ZBBX: variants seen among roughly 807,000 people sequenced by gnomAD.
ZBBX encodes zinc finger B-box domain-containing protein 1.
Under a neutral mutation model 108.5 loss-of-function variants are expected in ZBBX, and 101 were observed. That is an observed-to-expected ratio of 0.93 (90% CI 0.79 to 1.10). ZBBX has a LOEUF of 1.10. ZBBX is among the 50% of genes least tolerant of loss of function. The pLI, the probability that ZBBX is intolerant of heterozygous loss-of-function variation, is 0.00. For synonymous variants in ZBBX, 356 were observed against 323.4 expected, an observed-to-expected ratio of 1.10 and a Z score of -1.08; for missense variants, 1,009 against 941.4, an observed-to-expected ratio of 1.07 and a Z score of -0.94.
At chr3:167,206,723 T>A in the ZBBX span, among the ~76,000 whole-genome samples, 7 of 152,110 alleles carry the variant, frequency 4.6e-5, no homozygotes, top group Non-Finnish European at 8.8e-5. Flanking sequence ...GGCATCACAT[T>A]TTCTGATTTC....
the ZBBX span, among the ~76,000 whole-genome samples, chr3:167,204,228 A>T: frequency 2.3e-5 from 3 of 130,906 alleles, no homozygotes; most frequent in Non-Finnish European, 3.2e-5. Context: ...TTTCATTTTA[A>T]ATTTCTTTTC....
chr3:167,298,433 C>CAAAACAGACTTTTTG lies in ZBBX; in HGVS notation c.1750_1751insCAAAAAGTCTGTTTT (p.Ser584delinsThrLysSerLeuPheCys). ...TTGATATTGTTTTGTTATAGGCTTACTTCTGCAGGCTATTTCTTGTAACAA... is the reference window on the plus strand; with the variant it reads ...TTGATATTGTTTTGTTATAGGCTTACAAAACAGACTTTTTGTTCTGCAGGCTATTTCTTGTAACAA... On this transcript the variant is annotated protein_altering_variant, in exon 18 of 22. Transcript: ENST00000675490. The CAAAACAGACTTTTTG allele has an allele frequency of 6.6e-7, 1 of 1,512,826 alleles. No homozygotes were observed. Among genetic ancestry groups the CAAAACAGACTTTTTG allele is most frequent in the Non-Finnish European group, 8.9e-7 (1 of 1,122,366 alleles). 93.7% of individuals were successfully genotyped at this position (1,512,826 alleles called of 1,614,324 possible).
the ZBBX span, among the ~76,000 whole-genome samples, chr3:167,192,089 G>A: frequency 6.6e-6 from 1 of 151,240 alleles, no homozygotes; most frequent in Non-Finnish European, 1.5e-5. Flanking sequence ...AGGTATTATT[G>A]TTTTTGATAG....
chr3:167,181,406 T>C, the ZBBX span, among the ~76,000 whole-genome samples: 2 of 152,166 alleles, frequency 1.3e-5, no homozygotes, highest in African/African-American at 4.8e-5. Flanking sequence ...ATATAACTAC[T>C]TTAATATACT....
At chr3:167,371,273 G>GTCTGAGAAGTCCCCAAAATCATGTGGTC (rs1229808184) in intron 4 of ZBBX, among the ~76,000 whole-genome samples, 1 of 152,064 alleles carries the variant, frequency 6.6e-6, no homozygotes, top group African/African-American at 2.4e-5. Flanking sequence ...AATTGGATAT[G>GTCTGAGAAGTCCCCAAAATCATGTGGTC]TCTGAGAAGT....
chr3:167,231,498 T>C, the ZBBX span, among the ~76,000 whole-genome samples: 2 of 151,674 alleles, frequency 1.3e-5, no homozygotes, highest in African/African-American at 4.8e-5. Flanking sequence ...ATCATTGCAA[T>C]CAAACAGTGG....
intron 16 of ZBBX, among the ~76,000 whole-genome samples, chr3:167,306,242 G>T (rs1309288682): frequency 6.6e-6 from 1 of 152,058 alleles, no homozygotes; most frequent in East Asian, 1.9e-4. Context: ...TCAGCCTGTG[G>T]TTCAATTCTC....
intron 20 of ZBBX, among the ~76,000 whole-genome samples, chr3:167,269,456 G>A (rs570751511): frequency 6.6e-6 from 1 of 152,242 alleles, no homozygotes; most frequent in East Asian, 1.9e-4. Context: ...TAGTCTAAAA[G>A]GATTCCTTGC....
intron 1 of ZBBX, among the ~76,000 whole-genome samples, chr3:167,388,063 G>A (rs1747971631): frequency 6.6e-6 from 1 of 151,900 alleles, no homozygotes; most frequent in African/African-American, 2.4e-5. Flanking sequence ...ACCGGTTTTA[G>A]TTTATTTCAT....
At chr3:167,337,392 G>A (rs1007640756) in intron 9 of ZBBX, among the ~76,000 whole-genome samples, 1 of 152,052 alleles carries the variant, frequency 6.6e-6, no homozygotes, top group Non-Finnish European at 1.5e-5. Flanking sequence ...GGTGTTGCAT[G>A]CCTGTAGTCT....
the ZBBX span, among the ~76,000 whole-genome samples, chr3:167,196,610 T>C: frequency 6.6e-6 from 1 of 152,190 alleles, no homozygotes; most frequent in Non-Finnish European, 1.5e-5. Flanking sequence ...TGTTAATAAT[T>C]ACTAAGGTAG....
At chr3:167,280,179 C>T (rs576610939) in intron 20 of ZBBX, among the ~76,000 whole-genome samples, 1 of 151,936 alleles carries the variant, frequency 6.6e-6, no homozygotes, top group Non-Finnish European at 1.5e-5. Flanking sequence ...ATTGAGGACA[C>T]AGGCATGGGC....
At chr3:167,365,640 A>T (rs931202224) in intron 6 of ZBBX, among the ~76,000 whole-genome samples, 1 of 151,778 alleles carries the variant, frequency 6.6e-6, no homozygotes, top group African/African-American at 2.4e-5. Flanking sequence ...GGAAAAATTC[A>T]GTTTGGGATG....
At chr3:167,230,320 C>A in the ZBBX span, among the ~76,000 whole-genome samples, 1 of 151,706 alleles carries the variant, frequency 6.6e-6, no homozygotes, top group African/African-American at 2.4e-5. Context: ...CAATAAATAC[C>A]TTCTCTGTGC....
chr3:167,302,803 T>C (rs772336594), intron 17 of ZBBX, among the ~76,000 whole-genome samples: 1 of 152,188 alleles, frequency 6.6e-6, no homozygotes, highest in Admixed American at 6.5e-5. Context: ...CAGGACATCA[T>C]GAAGAGAGCC....
intron 20 of ZBBX, among the ~76,000 whole-genome samples, chr3:167,245,558 T>G (rs1020664010): frequency 6.6e-6 from 1 of 152,084 alleles, no homozygotes; most frequent in South Asian, 2.1e-4. Context: ...CATGTCAAAT[T>G]ATCATCCCCA....
chr3:167,185,252 A>C, the ZBBX span, among the ~76,000 whole-genome samples: 1 of 152,178 alleles, frequency 6.6e-6, no homozygotes, highest in Non-Finnish European at 1.5e-5. Context: ...TATTATGCTG[A>C]GTGAAAGAAG....
At chr3:167,202,508 A>G in the ZBBX span, among the ~76,000 whole-genome samples, 115 of 152,284 alleles carry the variant, frequency 7.6e-4, no homozygotes, top group African/African-American at 2.6e-3. Flanking sequence ...TAAAGAATCT[A>G]AAGACAATAT....
At chr3:167,308,643 C>G (rs568930480) in intron 16 of ZBBX, among the ~76,000 whole-genome samples, 1 of 152,116 alleles carries the variant, frequency 6.6e-6, no homozygotes, top group Non-Finnish European at 1.5e-5. Context: ...AGATCATGTA[C>G]TTTGCATGGA....
Sources: allele counts gnomAD v4.1 joint callset (sites outside exome capture counted in the v4.1 genomes callset), GRCh38; gene constraint gnomAD v4.1.1; transcripts MANE v1.5; gene names NCBI Gene and HGNC (gene_info 2026-07-23, HGNC 2026-07-21).